The following C2CD5 variants were observed in gnomAD, a reference collection of about 807,000 sequenced individuals.
The protein encoded by C2CD5 is C2 calcium dependent domain containing 5, also known as C2 domain-containing protein 5.
In C2CD5, 109 loss-of-function variants were observed where a neutral mutation model predicts 130.3. The ratio of observed to expected loss-of-function variants is 0.84; its 90% CI spans 0.72 to 0.98. The LOEUF (loss-of-function observed/expected upper bound fraction) is 0.98, where lower values mean the gene tolerates loss of function less well. Among genes scored for constraint, C2CD5 ranks in the 50% least tolerant of loss-of-function variants. The pLI, the probability that C2CD5 is intolerant of heterozygous loss-of-function variation, is 0.00. For missense variants in C2CD5, 996 were observed against 1,261.8 expected (o/e 0.79, Z 3.19); for synonymous variants, 454 against 429.2 (o/e 1.06, Z -0.71).
At chr12:22,517,165 A>T (rs1019900678) in intron 8 of C2CD5, among the ~76,000 whole-genome samples, 1 of 151,934 alleles carries the variant, frequency 6.6e-6, no homozygotes, top group African/African-American at 2.4e-5. Context: ...AGGGCTACTA[A>T]AAATATTAAC....
chr12:22,463,744 T>A (rs1178180752), intron 22 of C2CD5: 4 of 152,214 alleles, frequency 2.6e-5, no homozygotes, highest in Admixed American at 6.5e-5. Flanking sequence ...AATTTGCAGA[T>A]CATCTTTGCT....
At chr12:22,488,369 A>C (rs1945854328) in intron 12 of C2CD5, among the ~76,000 whole-genome samples, 1 of 152,132 alleles carries the variant, frequency 6.6e-6, no homozygotes, top group Non-Finnish European at 1.5e-5. Flanking sequence ...GGAACTCTCC[A>C]AATTTTTTCT....
rs746777383 is a variant in C2CD5, at chr12:22,474,775, C to T, written c.2019G>A (p.Gly673=). The part of the protein sequence containing the change: ...DEVTELDLSH[G]KKDAFVLEID... ...CCTCCAAAACAAAAGCATCTTTTTTCCCATGTGAAAGGTCTAATTCTGTAA... is the reference window on the plus strand; with the variant it reads ...CCTCCAAAACAAAAGCATCTTTTTTTCCATGTGAAAGGTCTAATTCTGTAA... Residue 673 remains glycine, a synonymous_variant, in exon 16 of 27, where the codon GGG becomes GGA. Coordinates refer to ENST00000446597, the MANE Select transcript of C2CD5 (RefSeq NM_001286176.2). The T allele has an allele frequency of 3.7e-6, 6 of 1,601,552 alleles. No individual in the cohort carries two copies. In the African/African-American group the frequency reaches 8.1e-5, roughly 22 times the overall value.
chr12:22,461,450 T>C (rs1266260115), intron 22 of C2CD5, among the ~76,000 whole-genome samples: 1 of 152,226 alleles, frequency 6.6e-6, no homozygotes, highest in Non-Finnish European at 1.5e-5. Flanking sequence ...TATATTTTAA[T>C]GGCAAATGTA....
rs528418570 is a variant in C2CD5, at chr12:22,448,716, T to C, written c.*1044A>G. 2 of 152,722 alleles carry C rather than the reference T, an allele frequency of 1.3e-5. No individual in the cohort carries two copies. Among genetic ancestry groups the C allele is most frequent in the East Asian group, 1.9e-4 (1 of 5,188 alleles). The allele number at this position is 152,722 out of a possible 1,614,324, so 9.5% of individuals were successfully genotyped here. The stretch of plus-strand genomic sequence containing the variant: ...CTGGGGGAAAAAATCATAAGTGTTA[T>C]AAAGAAATATTATTGTGCAAAGGAG... On this transcript the variant is annotated 3_prime_UTR_variant, in exon 27 of 27. Transcript: ENST00000446597.
intron 2 of C2CD5, among the ~76,000 whole-genome samples, chr12:22,539,672 T>C (rs1350496955): frequency 2.0e-5 from 3 of 152,188 alleles, no homozygotes; most frequent in Non-Finnish European, 2.9e-5. Context: ...TTTTCAAATG[T>C]GCCACTAGAT....
At chr12:22,516,822 C>A (rs1323785725) in intron 8 of C2CD5, among the ~76,000 whole-genome samples, 2 of 151,386 alleles carry the variant, frequency 1.3e-5, no homozygotes, top group African/African-American at 4.8e-5. Context: ...AAAAAAAAAT[C>A]TTTTTTCACT....
At position 22,532,603 on chromosome 12, in the gene C2CD5, C is replaced by T. The variant is rs188558143; in HGVS notation, c.177+2655G>A. Among the ~76,000 whole-genome samples, 4 of 152,266 alleles carry T rather than the reference C, an allele frequency of 2.6e-5. No individual in the cohort carries two copies. The East Asian group carries it at 7.7e-4, about 29-fold the overall frequency. ...GTATCCCAACCACTACAGAATGTGC[C>T]TTCCAACACTAAAAGAAAGATCACG... On this transcript the variant is annotated intron_variant, in intron 3 of 26. Transcript: ENST00000446597.
intron 23 of C2CD5, 105 bp downstream of exon 23, chr12:22,459,387 A>G (rs1277614754): frequency 2.3e-5 from 15 of 639,210 alleles, no homozygotes; most frequent in Non-Finnish European, 3.7e-5. Flanking sequence ...TTTGGTGTCT[A>G]TTCCATATTG....
chr12:22,511,336 G>A (rs1246326108), intron 9 of C2CD5, among the ~76,000 whole-genome samples: 1 of 152,114 alleles, frequency 6.6e-6, no homozygotes, highest in Non-Finnish European at 1.5e-5. Context: ...GAACACATAT[G>A]GAGAGAATTC....
intron 7 of C2CD5, among the ~76,000 whole-genome samples, chr12:22,522,960 T>C (rs1177266967): frequency 5.3e-5 from 8 of 152,272 alleles, no homozygotes; most frequent in Non-Finnish European, 1.0e-4. Flanking sequence ...CACCTGTAAA[T>C]CCCAGCATTT....
At chr12:22,452,915 A>C (rs1396224232) in intron 26 of C2CD5, among the ~76,000 whole-genome samples, 4 of 152,152 alleles carry the variant, frequency 2.6e-5, no homozygotes, top group Non-Finnish European at 5.9e-5. Flanking sequence ...ATAAAGCTAA[A>C]ACAATTTTGC....
At chr12:22,501,288 T>G (rs1947755173) in intron 10 of C2CD5, among the ~76,000 whole-genome samples, 1 of 152,160 alleles carries the variant, frequency 6.6e-6, no homozygotes, top group South Asian at 2.1e-4. Context: ...TCAACCATGT[T>G]TTTCTTTGCC....
At chr12:22,499,929 C>T (rs1317225193) in intron 10 of C2CD5, among the ~76,000 whole-genome samples, 2 of 152,106 alleles carry the variant, frequency 1.3e-5, no homozygotes, top group African/African-American at 4.8e-5. Context: ...GGCTCACGCC[C>T]GTAATCCCCA....
At chr12:22,452,652 T>G (rs1311298382) in intron 26 of C2CD5, among the ~76,000 whole-genome samples, 2 of 152,202 alleles carry the variant, frequency 1.3e-5, no homozygotes, top group African/African-American at 4.8e-5. Flanking sequence ...CTTCAACATG[T>G]TAATGAAGTT....
At chr12:22,497,638 A>G in intron 10 of C2CD5, 3 of 932,072 alleles carry the variant, frequency 3.2e-6, no homozygotes, top group Non-Finnish European at 3.8e-6. Flanking sequence ...CTAATGAAAA[A>G]GAAATTAGAG....
chr12:22,488,890 T>A (rs1025223069), intron 12 of C2CD5, among the ~76,000 whole-genome samples: 8 of 150,980 alleles, frequency 5.3e-5, no homozygotes, highest in Non-Finnish European at 8.9e-5. Flanking sequence ...TTTTTTTTTT[T>A]AAATAGAGTC....
chr12:22,528,297 C>T (rs953249673), intron 3 of C2CD5, among the ~76,000 whole-genome samples: 1 of 152,012 alleles, frequency 6.6e-6, no homozygotes, highest in Non-Finnish European at 1.5e-5. Context: ...TTTCTAAGGG[C>T]GATTTCAGAG....
chr12:22,520,858 G>A (rs577031111), intron 7 of C2CD5, among the ~76,000 whole-genome samples: 2 of 151,960 alleles, frequency 1.3e-5, no homozygotes, highest in African/African-American at 2.4e-5. Context: ...TTAGGAAGTA[G>A]AACACACCAT....
Sources: allele counts gnomAD v4.1 joint callset (sites outside exome capture counted in the v4.1 genomes callset), GRCh38; gene constraint gnomAD v4.1.1; transcripts MANE v1.5; gene names NCBI Gene and HGNC (gene_info 2026-07-23, HGNC 2026-07-21).